Variants in CSMD3 observed in about 807,000 individuals in gnomAD.
The protein encoded by CSMD3 is CUB and Sushi multiple domains 3.
In CSMD3, 177 loss-of-function variants were observed where a neutral mutation model predicts 435.2. The observed-to-expected ratio is 0.41, with a 90% CI of 0.36 to 0.46. The LOEUF (loss-of-function observed/expected upper bound fraction) is 0.46. Ranked by LOEUF, CSMD3 falls within the 20% of genes least tolerant of loss-of-function variation. The pLI is 0.34. For synonymous variants in CSMD3, 1,656 were observed against 1,520.5 expected, an observed-to-expected ratio of 1.09 and a Z score of -2.07; for missense variants, 4,265 against 4,504.6, an observed-to-expected ratio of 0.95 and a Z score of 1.52.
intron 24 of CSMD3, among the ~76,000 whole-genome samples, chr8:112,558,248 C>T (rs115473946): frequency 2.6e-5 from 4 of 151,744 alleles, no homozygotes; most frequent in Admixed American, 1.3e-4. Context: ...AACCTCTCCC[C>T]CAAAGCGAGC....
chr8:112,733,276 T>C (rs1437522140), intron 13 of CSMD3, among the ~76,000 whole-genome samples: 1 of 152,102 alleles, frequency 6.6e-6, no homozygotes, highest in Non-Finnish European at 1.5e-5. Context: ...AAGCATCATA[T>C]TGACACATAC....
Position 112,434,563 on chromosome 8 carries a change from T to C in CSMD3, c.5396-25531A>G, listed in dbSNP as rs545108284. Among the ~76,000 whole-genome samples, 4 of 152,238 alleles carry C rather than the reference T, an allele frequency of 2.6e-5. 1 individual carries two copies. The highest frequency in any genetic ancestry group is 2.0e-4 in the Admixed American group (3 of 15,254). On this transcript the variant is annotated intron_variant, in intron 32 of 70. Transcript: ENST00000297405. ...TGTATTGTTATTAATATTTGTACTT[T>C]GCTTTTTCCCAGAATAAGATTGTAA...
At chr8:112,668,806 T>A (rs1361406956) in intron 16 of CSMD3, among the ~76,000 whole-genome samples, 2 of 151,070 alleles carry the variant, frequency 1.3e-5, no homozygotes, top group African/African-American at 4.9e-5. Context: ...TCAGCAAAAG[T>A]CTCATCATTA....
At chr8:112,748,647 C>T (rs2077495796) in intron 13 of CSMD3, among the ~76,000 whole-genome samples, 7 of 152,120 alleles carry the variant, frequency 4.6e-5, no homozygotes, top group Admixed American at 4.6e-4. Context: ...CCAGCTCCAT[C>T]CATGTTCACA....
At chr8:113,306,455 A>C (rs1040699364) in intron 2 of CSMD3, among the ~76,000 whole-genome samples, 1 of 152,188 alleles carries the variant, frequency 6.6e-6, no homozygotes, top group African/African-American at 2.4e-5. Context: ...ACATAAAATA[A>C]AACTACCCTC....
chr8:113,079,953 T>G (rs182403895), intron 5 of CSMD3, among the ~76,000 whole-genome samples: 22 of 152,260 alleles, frequency 1.4e-4, no homozygotes, highest in African/African-American at 4.1e-4. Context: ...TGTTTGTTTG[T>G]TTTTCTCTCC....
chr8:113,366,378 C>T (rs550306389), intron 1 of CSMD3, among the ~76,000 whole-genome samples: 1 of 152,054 alleles, frequency 6.6e-6, no homozygotes, highest in East Asian at 1.9e-4. Flanking sequence ...AACGCTCCCC[C>T]ATTAAATTTC....
At chr8:113,372,350 T>C (rs1417858902) in intron 1 of CSMD3, among the ~76,000 whole-genome samples, 2 of 152,202 alleles carry the variant, frequency 1.3e-5, no homozygotes, top group African/African-American at 4.8e-5. Flanking sequence ...GGTAATTAGA[T>C]GATTGAAGCT....
At chr8:112,257,754 C>G (rs927201346) in intron 61 of CSMD3, among the ~76,000 whole-genome samples, 10 of 152,176 alleles carry the variant, frequency 6.6e-5, no homozygotes, top group Non-Finnish European at 1.0e-4. Flanking sequence ...CTACCACTGA[C>G]TTTCTTCACA....
At chr8:112,326,203 T>G (rs1823499423) in intron 45 of CSMD3, among the ~76,000 whole-genome samples, 1 of 152,212 alleles carries the variant, frequency 6.6e-6, no homozygotes, top group African/African-American at 2.4e-5. Flanking sequence ...ATGCAGCAGA[T>G]GTTTTGTAAT....
chr8:112,583,011 G>A (rs1260103488), intron 23 of CSMD3, among the ~76,000 whole-genome samples: 2 of 151,922 alleles, frequency 1.3e-5, no homozygotes, highest in African/African-American at 4.8e-5. Context: ...ATGTTATTCT[G>A]TTATAACAGC....
At chr8:113,333,169 C>T (rs545246752) in intron 1 of CSMD3, among the ~76,000 whole-genome samples, 77 of 151,632 alleles carry the variant, frequency 5.1e-4, no homozygotes, top group Non-Finnish European at 8.7e-4. Context: ...TGTATATATT[C>T]TAGATGCAGG....
intron 29 of CSMD3, among the ~76,000 whole-genome samples, chr8:112,504,958 G>T (rs899499494): frequency 6.6e-6 from 1 of 152,076 alleles, no homozygotes; most frequent in Non-Finnish European, 1.5e-5. Context: ...AACTATTTTG[G>T]CAAGTTTTAT....
rs150876609 is a variant in CSMD3 at position 112,752,533 on chromosome 8, G to A, written c.1972+47629C>T. Reference sequence around the variant, plus strand: ...ATCAGGGACTAAGGGAGGAGAAAAGGGTAGAGGATACAATATCATCATATT... The same window carrying A: ...ATCAGGGACTAAGGGAGGAGAAAAGAGTAGAGGATACAATATCATCATATT... On this transcript the variant is annotated intron_variant, in intron 13 of 70. Coordinates refer to ENST00000297405, the MANE Select transcript of CSMD3 (RefSeq NM_198123.2). Among the ~76,000 whole-genome samples the A allele has an allele frequency of 9.1e-3, 1,390 of 152,246 alleles. 82 individuals are homozygous for A. The highest frequency in any genetic ancestry group is 0.082 in the Admixed American group (1,251 of 15,274).
At chr8:113,299,673 T>A (rs898546479) in intron 2 of CSMD3, among the ~76,000 whole-genome samples, 3 of 151,698 alleles carry the variant, frequency 2.0e-5, no homozygotes, top group African/African-American at 7.2e-5. Context: ...GATAACATCT[T>A]ACACCAGTCA....
At chr8:112,592,496 C>G (rs1831279559) in intron 22 of CSMD3, among the ~76,000 whole-genome samples, 1 of 151,676 alleles carries the variant, frequency 6.6e-6, no homozygotes, top group Admixed American at 6.6e-5. Flanking sequence ...CTACTTTTTC[C>G]CCTTAAACAT....
intron 37 of CSMD3, among the ~76,000 whole-genome samples, chr8:112,381,711 G>C (rs2087793): frequency 6.6e-6 from 1 of 152,030 alleles, no homozygotes; most frequent in Non-Finnish European, 1.5e-5. Context: ...AACTTAAAAG[G>C]TCATTTCACC....
chr8:112,460,501 T>C lies in CSMD3; in HGVS notation c.5395+12090A>G, dbSNP rs1817339399. Among the ~76,000 whole-genome samples, 4 of 148,178 alleles carry C rather than the reference T, an allele frequency of 2.7e-5. No individual in the cohort carries two copies. The South Asian group carries it at 8.8e-4, about 33-fold the overall frequency. ...AGTCCATACTGTGTTTTAAATGTTA[T>C]AGAATTAAACTACCTTCAAGAAGGC... On this transcript the variant is annotated intron_variant, in intron 32 of 70. Transcript: ENST00000297405.
At chr8:113,022,541 C>A (rs912582790) in intron 5 of CSMD3, among the ~76,000 whole-genome samples, 6 of 151,146 alleles carry the variant, frequency 4.0e-5, no homozygotes, top group African/African-American at 4.8e-5. Flanking sequence ...AACAAAAAAC[C>A]CAGTAACATG....
Sources: allele counts gnomAD v4.1 joint callset (sites outside exome capture counted in the v4.1 genomes callset), GRCh38; gene constraint gnomAD v4.1.1; transcripts MANE v1.5; gene names NCBI Gene and HGNC (gene_info 2026-07-23, HGNC 2026-07-21).